Variants in NOS1 observed in about 807,000 individuals in gnomAD.
NOS1 encodes the protein nitric oxide synthase 1.
In NOS1, 51 loss-of-function variants were observed where a neutral mutation model predicts 164.5. The observed-to-expected ratio is 0.31, with a 90% CI of 0.25 to 0.39. The LOEUF (loss-of-function observed/expected upper bound fraction) is 0.39, where lower values mean the gene tolerates loss of function less well. Among genes scored for constraint, NOS1 ranks in the 10% least tolerant of loss-of-function variants. The pLI is 1.00. For missense variants in NOS1, 1,362 were observed against 1,885.6 expected, an observed-to-expected ratio of 0.72 and a Z score of 5.14; for synonymous variants, 719 against 745.8, an observed-to-expected ratio of 0.96 and a Z score of 0.59.
Position 117,211,171 on chromosome 12 carries a change from T to A in NOS1, c.*4138A>T. 1 of 820,946 alleles carries A rather than the reference T, an allele frequency of 1.2e-6. No homozygotes were observed. Among genetic ancestry groups the A allele is most frequent in the Non-Finnish European group, 1.5e-6 (1 of 679,902 alleles). The allele number at this position is 820,946 out of a possible 1,614,324, so 50.9% of individuals were successfully genotyped here. A position where few individuals can be genotyped will look rare whatever the true frequency, so the allele number is the denominator to read the frequency against. On this transcript the variant is annotated 3_prime_UTR_variant, in exon 29 of 29. Coordinates refer to ENST00000317775, the MANE Select transcript of NOS1 (RefSeq NM_000620.5). Reference sequence around the variant, plus strand: ...TCAGGGTTTCTACTAACTGGCTGACTGGTCTCCAACTCCTGACCTCAACTG... The same window carrying A: ...TCAGGGTTTCTACTAACTGGCTGACAGGTCTCCAACTCCTGACCTCAACTG...
chr12:117,238,489 A>C (rs1869903508), intron 20 of NOS1, among the ~76,000 whole-genome samples: 1 of 151,236 alleles, frequency 6.6e-6, no homozygotes. Context: ...CCCTCTGTGC[A>C]GCAGAGAGCT....
intron 2 of NOS1, among the ~76,000 whole-genome samples, chr12:117,319,827 T>A (rs1874833541): frequency 6.6e-6 from 1 of 152,200 alleles, no homozygotes; most frequent in African/African-American, 2.4e-5. Flanking sequence ...GTTCCTACGA[T>A]CCAGGTGTGG....
intron 19 of NOS1, 25 bp from the exon 20 acceptor site, chr12:117,242,730 T>A (rs1180870852): frequency 6.2e-7 from 1 of 1,605,980 alleles, no homozygotes. Flanking sequence ...ACAACAGTCT[T>A]CCTGAGAAGG....
chr12:117,285,436 T>G, intron 6 of NOS1, 104 bp from the exon 7 acceptor site: 1 of 592,702 alleles, frequency 1.7e-6, no homozygotes, highest in Non-Finnish European at 3.0e-6. Context: ...CTCCAGCTGC[T>G]GCTACATTGG....
At position 117,208,673 on chromosome 12, in the gene NOS1, A is replaced by G; in HGVS notation, c.*6636T>C. On this transcript the variant is annotated 3_prime_UTR_variant, in exon 29 of 29. Coordinates refer to ENST00000317775, the MANE Select transcript of NOS1 (RefSeq NM_000620.5). ...TGAGTCTTAATCAGAACCAACACCAAGGACACAGTGTCTTATTGAAACAGA... is the reference window on the plus strand; with the variant it reads ...TGAGTCTTAATCAGAACCAACACCAGGGACACAGTGTCTTATTGAAACAGA... 1 of 1,094,034 alleles carries G rather than the reference A, an allele frequency of 9.1e-7. No individual in the cohort carries two copies. The highest frequency in any genetic ancestry group is 1.1e-6 in the Non-Finnish European group (1 of 892,160). The allele number at this position is 1,094,034 out of a possible 1,614,324, so 67.8% of individuals were successfully genotyped here.
intron 3 of NOS1, chr12:117,302,094 G>A (rs748040005): frequency 2.2e-6 from 1 of 456,700 alleles, no homozygotes. Context: ...GACAATCACA[G>A]TATTTCATTG....
intron 7 of NOS1, among the ~76,000 whole-genome samples, chr12:117,283,650 G>A (rs1260917276): frequency 6.6e-6 from 1 of 152,004 alleles, no homozygotes; most frequent in East Asian, 1.9e-4. Context: ...GAGGTCAGGA[G>A]TTTGAAACTA....
intron 2 of NOS1, among the ~76,000 whole-genome samples, chr12:117,315,562 C>A (rs1220607022): frequency 6.6e-6 from 1 of 152,154 alleles, no homozygotes; most frequent in Non-Finnish European, 1.5e-5. Context: ...TAGTTCGATT[C>A]TCAGCCCACA....
In NOS1 at chr12:117,234,874, C is replaced by T; in HGVS notation, c.3042-116G>A. ...TCTCCTCCTTCCATTCTTGTTGGGG[C>T]CCGTGCTAACCAAGCCTATGCCCCC... is the stretch of plus-strand genomic sequence containing the variant. On this transcript the variant is annotated intron_variant, in intron 20 of 28. Coordinates refer to ENST00000317775, the MANE Select transcript of NOS1 (RefSeq NM_000620.5). This position sits in a 1 kb window ranked among gnomAD's most constrained non-coding sequence, Gnocchi z 4.3. The T allele has an allele frequency of 1.4e-6, 1 of 724,226 alleles. No homozygotes were observed. Among genetic ancestry groups the T allele is most frequent in the South Asian group, 2.0e-5 (1 of 48,810 alleles). 44.9% of individuals were successfully genotyped at this position (724,226 alleles called of 1,614,324 possible).
Position 117,265,520 on chromosome 12 carries a change from G to A in NOS1, c.1942-10C>T. On this transcript the variant is annotated splice_polypyrimidine_tract_variant and intron_variant, in intron 11 of 28. Coordinates refer to ENST00000317775, the MANE Select transcript of NOS1 (RefSeq NM_000620.5). ...TGGTCACTTTGTCACTCTGTGGGAGGAGAGGGGACAGGGGTCAGGAGGTAT... is the reference window on the plus strand; with the variant it reads ...TGGTCACTTTGTCACTCTGTGGGAGAAGAGGGGACAGGGGTCAGGAGGTAT... The A allele has an allele frequency of 6.6e-7, 1 of 1,510,390 alleles. No individual in the cohort carries two copies. The highest frequency in any genetic ancestry group is 8.9e-7 in the Non-Finnish European group (1 of 1,121,346). 93.6% of individuals were successfully genotyped at this position (1,510,390 alleles called of 1,614,324 possible).
rs778029386 is a variant in NOS1 at position 117,253,774 on chromosome 12, C to A, written c.2532-20G>T. On this transcript the variant is annotated intron_variant, in intron 16 of 28. Coordinates refer to ENST00000317775, the MANE Select transcript of NOS1 (RefSeq NM_000620.5). Reference sequence around the variant, plus strand: ...TAGCTCCTGCCAAAACCAAAGAGAACCTGTGAGCTCTGGCCTGGAGCTCCC... The same window carrying A: ...TAGCTCCTGCCAAAACCAAAGAGAAACTGTGAGCTCTGGCCTGGAGCTCCC... The A allele has an allele frequency of 2.6e-6, 4 of 1,566,852 alleles. No individual in the cohort carries two copies. Among genetic ancestry groups the A allele is most frequent in the Admixed American group, 1.7e-5 (1 of 59,950 alleles).
Position 117,217,960 on chromosome 12 carries a change from C to T in NOS1, c.4289+86G>A, listed in dbSNP as rs757852127. 154 of 969,822 alleles carry T rather than the reference C, an allele frequency of 1.6e-4. 1 individual carries two copies. Among genetic ancestry groups the T allele is most frequent in the Middle Eastern group, 6.1e-4 (2 of 3,300 alleles). 60.1% of individuals were successfully genotyped at this position (969,822 alleles called of 1,614,324 possible). On this transcript the variant is annotated intron_variant, in intron 28 of 28. Coordinates refer to ENST00000317775, the MANE Select transcript of NOS1 (RefSeq NM_000620.5). ...TGATGCTGCTGTTTTGGGGACCCTG[C>T]CGTGGGAAAGCCAGACATTCCTGCC...
At chr12:117,254,765 C>T (rs1040118047) in intron 16 of NOS1, among the ~76,000 whole-genome samples, 1 of 152,156 alleles carries the variant, frequency 6.6e-6, no homozygotes, top group African/African-American at 2.4e-5. Flanking sequence ...TCCGGAGCCA[C>T]GTTTGGTTAG....
chr12:117,351,393 G>A (rs1367645874), intron 1 of NOS1, among the ~76,000 whole-genome samples: 2 of 152,184 alleles, frequency 1.3e-5, no homozygotes, highest in East Asian at 1.9e-4. Flanking sequence ...CAGGCCTGGA[G>A]TGGCAACTGC....
chr12:117,270,306 T>C lies in NOS1; in HGVS notation c.1839+2079A>G, dbSNP rs1347842626. Among the ~76,000 whole-genome samples, 5 of 151,998 alleles carry C rather than the reference T, an allele frequency of 3.3e-5. No individual in the cohort carries two copies. The East Asian group carries it at 9.7e-4, about 29-fold the overall frequency. On this transcript the variant is annotated intron_variant, in intron 10 of 28. Transcript: ENST00000317775. ...AGACCCAGCTATCAACGTTTGTACA[T>C]AATGACAGGTGGAATTGGAGGGTCG...
At chr12:117,241,295 T>A (rs1036655966) in intron 20 of NOS1, among the ~76,000 whole-genome samples, 3 of 152,068 alleles carry the variant, frequency 2.0e-5, no homozygotes, top group African/African-American at 7.2e-5. Flanking sequence ...GAATGGAATG[T>A]TTTTCACTTT....
intron 25 of NOS1, among the ~76,000 whole-genome samples, chr12:117,224,402 C>T (rs1266912530): frequency 6.6e-6 from 1 of 152,184 alleles, no homozygotes; most frequent in Non-Finnish European, 1.5e-5. Flanking sequence ...TCTCTCACCA[C>T]AGCCTCCCAA....
intron 10 of NOS1, among the ~76,000 whole-genome samples, chr12:117,270,688 C>G (rs12821989): frequency 6.6e-6 from 1 of 152,082 alleles, no homozygotes; most frequent in Non-Finnish European, 1.5e-5. Context: ...TGAGCCACAT[C>G]TAAGAAAACT....
rs1491476047 is a variant in NOS1 at position 117,330,298 on chromosome 12, ATG to A, written c.725+45_725+46del. On this transcript the variant is annotated intron_variant, in intron 2 of 28. Coordinates refer to ENST00000317775, the MANE Select transcript of NOS1 (RefSeq NM_000620.5). This position sits in a 1 kb window ranked among gnomAD's most constrained non-coding sequence, Gnocchi z 4.6. ...TAGACGCACATGCACACACACAAGC[ATG>A]CACACACACACACACACACACACAC... 4.1e-6 allele frequency: 6 copies of A among 1,473,966 alleles called. No homozygotes were observed. Among genetic ancestry groups the A allele is most frequent in the Middle Eastern group, 1.8e-4 (1 of 5,422 alleles). The allele number at this position is 1,473,966 out of a possible 1,614,324, so 91.3% of individuals were successfully genotyped here.
Sources: gnomAD v4.1 joint callset for allele counts (sites outside exome capture counted in the v4.1 genomes callset) on GRCh38, gnomAD v4.1.1 for gene constraint, Gnocchi (gnomAD v3.1) non-coding constraint, MANE v1.5 for transcripts, NCBI Gene and HGNC (gene_info 2026-07-23, HGNC 2026-07-21) for gene names.